Variants in ITPR2 observed in about 807,000 individuals in gnomAD.
ITPR2 encodes inositol 1,4,5-trisphosphate receptor type 2.
ITPR2 carries 207 observed loss-of-function variants against 317.1 expected under a neutral mutation model. The ratio of observed to expected loss-of-function variants is 0.65; its 90% confidence interval spans 0.58 to 0.73. The LOEUF is 0.73. ITPR2 is among the 30% of genes least tolerant of loss of function. ITPR2 has a pLI of 0.00. For missense variants in ITPR2, 2,613 were observed against 3,284.0 expected (o/e 0.80, Z 4.99); for synonymous variants, 1,156 against 1,149.1 (o/e 1.01, Z -0.12).
At position 26,487,253 on chromosome 12, in the gene ITPR2, T is replaced by C. The variant is rs1230943910; in HGVS notation, c.5371-2A>G. 6.3e-7 allele frequency: 1 copy of C among 1,586,502 alleles called. No homozygotes were observed. Among genetic ancestry groups the C allele is most frequent in the African/African-American group, 1.4e-5 (1 of 73,212 alleles). On this transcript the variant is annotated splice_acceptor_variant, in intron 39 of 56. Transcript: ENST00000381340. LOFTEE classifies it high-confidence loss of function. ...ATGCAACTGCTGGTAGAAAGAATAC[T>C]GCAAGAAAACATATTTTAAGACATC...
intron 11 of ITPR2, among the ~76,000 whole-genome samples, chr12:26,684,513 G>A (rs1044059059): frequency 2.0e-5 from 3 of 152,146 alleles, no homozygotes; most frequent in African/African-American, 7.2e-5. Context: ...TTAAGAACTT[G>A]ACACAGGACT....
At chr12:26,473,484 A>C (rs981561239) in intron 45 of ITPR2, among the ~76,000 whole-genome samples, 18 of 152,072 alleles carry the variant, frequency 1.2e-4, no homozygotes, top group Non-Finnish European at 1.2e-4. Flanking sequence ...CCCCCATACA[A>C]AGCAAGACTA....
intron 45 of ITPR2, among the ~76,000 whole-genome samples, chr12:26,448,544 C>A (rs1363645533): frequency 6.6e-6 from 1 of 152,086 alleles, no homozygotes; most frequent in African/African-American, 2.4e-5. Flanking sequence ...AATAGAAAAA[C>A]TAGGCCTGAG....
At chr12:26,447,322 T>C (rs1464757929) in intron 45 of ITPR2, among the ~76,000 whole-genome samples, 2 of 152,058 alleles carry the variant, frequency 1.3e-5, no homozygotes, top group Non-Finnish European at 2.9e-5. Flanking sequence ...AATTCCAGTA[T>C]TTGTAGAAAG....
chr12:26,649,226 T>TCACACA (rs1167929248), intron 21 of ITPR2: 1 of 143,858 alleles, frequency 7.0e-6, no homozygotes, highest in Non-Finnish European at 1.6e-5. Context: ...ACACACACAC[T>TCACACA]CACACACACA....
intron 8 of ITPR2, 93 bp downstream of exon 8, chr12:26,715,206 A>G: frequency 8.8e-7 from 1 of 1,132,410 alleles, no homozygotes; most frequent in Non-Finnish European, 1.3e-6. Context: ...TGATTCTATC[A>G]TAAATGATGC....
At chr12:26,465,405 T>TA (rs1408640888) in intron 45 of ITPR2, among the ~76,000 whole-genome samples, 7 of 152,056 alleles carry the variant, frequency 4.6e-5, no homozygotes, top group Admixed American at 2.0e-4. Flanking sequence ...AGAAATGGGT[T>TA]AGAGAGAGAA....
At chr12:26,667,531 C>T (rs1947657073) in intron 13 of ITPR2, among the ~76,000 whole-genome samples, 2 of 152,162 alleles carry the variant, frequency 1.3e-5, no homozygotes, top group Admixed American at 1.3e-4. Flanking sequence ...AACGTAAAAC[C>T]CGTTTCATGT....
At chr12:26,730,640 A>G (rs922436851) in intron 2 of ITPR2, among the ~76,000 whole-genome samples, 1 of 152,212 alleles carries the variant, frequency 6.6e-6, no homozygotes, top group Admixed American at 6.5e-5. Flanking sequence ...ATCCAACCAG[A>G]CATATGTTCA....
intron 39 of ITPR2, among the ~76,000 whole-genome samples, chr12:26,489,908 G>T (rs1591825077): frequency 6.6e-6 from 1 of 152,172 alleles, no homozygotes; most frequent in African/African-American, 2.4e-5. Flanking sequence ...GTGTCTTGGG[G>T]AGGAGTGCGC....
At chr12:26,574,085 A>T (rs1945222324) in intron 34 of ITPR2, among the ~76,000 whole-genome samples, 1 of 152,180 alleles carries the variant, frequency 6.6e-6, no homozygotes, top group South Asian at 2.1e-4. Flanking sequence ...AACAAAAGGG[A>T]AGAATCCACT....
intron 55 of ITPR2, among the ~76,000 whole-genome samples, chr12:26,350,313 T>G (rs958250432): frequency 2.0e-5 from 3 of 152,144 alleles, no homozygotes; most frequent in African/African-American, 7.2e-5. Flanking sequence ...AGAATTTCCA[T>G]CCTTAGACTG....
intron 1 of ITPR2, among the ~76,000 whole-genome samples, chr12:26,808,939 C>A (rs1950684978): frequency 6.6e-6 from 1 of 152,072 alleles, no homozygotes; most frequent in Admixed American, 6.5e-5. Flanking sequence ...ATCCTTTTTC[C>A]TATGAAAACA....
At position 26,400,162 on chromosome 12, in the gene ITPR2, C is replaced by T; in HGVS notation, c.7496G>A (p.Gly2499Asp). ...TGGCCTTCTTAGCACATCCCCCACA[C>T]CACCGCCATTCCTGAGGCCCTGGTT... ...VLNQGLRNGG[G>D]VGDVLRRPSK... The change falls in exon 53 of 57, where the codon GGT becomes GAT. Residue 2499 changes from glycine to aspartate, a missense_variant. Coordinates refer to ENST00000381340, the MANE Select transcript of ITPR2 (RefSeq NM_002223.4). 6.2e-7 allele frequency: 1 copy of T among 1,612,132 alleles called. No homozygotes were observed. The highest frequency in any genetic ancestry group is 1.1e-5 in the South Asian group (1 of 90,802).
At position 26,724,655 on chromosome 12, in the gene ITPR2, C is replaced by A; in HGVS notation, c.366+1G>T. The A allele has an allele frequency of 6.5e-7, 1 of 1,537,018 alleles. No individual in the cohort carries two copies. Among genetic ancestry groups the A allele is most frequent in the Non-Finnish European group, 9.0e-7 (1 of 1,113,838 alleles). On this transcript the variant is annotated splice_donor_variant, in intron 4 of 56. Transcript: ENST00000381340. LOFTEE classifies it high-confidence loss of function. ...CACCTCGTTTAAGAGAAAATACTTA[C>A]TTGTATAACATTACTGTATTTTACA... is the stretch of plus-strand genomic sequence containing the variant.
intron 1 of ITPR2, among the ~76,000 whole-genome samples, chr12:26,807,276 T>C (rs1259180672): frequency 6.6e-6 from 1 of 152,216 alleles, no homozygotes; most frequent in African/African-American, 2.4e-5. Flanking sequence ...ATAATTGAAA[T>C]TGTAGTCATT....
intron 55 of ITPR2, among the ~76,000 whole-genome samples, chr12:26,347,444 G>A (rs762729831): frequency 1.8e-4 from 28 of 152,062 alleles, no homozygotes; most frequent in Non-Finnish European, 3.8e-4. Flanking sequence ...TGCTATGACC[G>A]ATACCCACAA....
At chr12:26,389,674 C>G (rs1388332403) in intron 54 of ITPR2, among the ~76,000 whole-genome samples, 11 of 152,208 alleles carry the variant, frequency 7.2e-5, no homozygotes, top group Non-Finnish European at 2.9e-5. Flanking sequence ...TATAACCCTT[C>G]TGCTGACCTT....
In ITPR2 at chr12:26,622,318, CG is replaced by C. The variant is rs1454898529; in HGVS notation, c.3209del (p.Pro1070ArgfsTer37). The part of the protein sequence containing the change: ...VLIHLIMHDY[P>X]PLLSGALQLL... The stretch of plus-strand genomic sequence containing the variant: ...GCTGCAGGGCTCCAGACAGCAAAGG[CG>C]GGTAGTCGTGCATGATCAGATGAAT... On this transcript the variant is annotated frameshift_variant, in exon 25 of 57. Coordinates refer to ENST00000381340, the MANE Select transcript of ITPR2 (RefSeq NM_002223.4). LOFTEE classifies it high-confidence loss of function. The C allele has an allele frequency of 1.9e-6, 3 of 1,613,842 alleles. No homozygotes were observed. Among genetic ancestry groups the C allele is most frequent in the South Asian group, 1.1e-5 (1 of 91,062 alleles).
Sources: allele counts gnomAD v4.1 joint callset (sites outside exome capture counted in the v4.1 genomes callset), GRCh38; gene constraint gnomAD v4.1.1; transcripts MANE v1.5; gene names NCBI Gene and HGNC (gene_info 2026-07-23, HGNC 2026-07-21).